STK3: variants seen among roughly 807,000 people sequenced by gnomAD.
STK3 encodes serine/threonine-protein kinase 3.
Under a neutral mutation model 58.0 loss-of-function variants are expected in STK3, and 41 were observed. The observed-to-expected ratio is 0.71, with a 90% confidence interval of 0.55 to 0.92. The LOEUF (loss-of-function observed/expected upper bound fraction) is 0.92. STK3 is among the 40% of genes least tolerant of loss of function. The pLI is 0.00. For synonymous variants in STK3, 170 were observed against 191.0 expected (o/e 0.89, Z 0.91); for missense variants, 479 against 602.7 (o/e 0.79, Z 2.15).
intron 10 of STK3, among the ~76,000 whole-genome samples, chr8:98,492,512 T>C (rs1350218933): frequency 6.6e-6 from 1 of 152,066 alleles, no homozygotes; most frequent in Non-Finnish European, 1.5e-5. Context: ...ATGCTGAAGA[T>C]AGTAATAATT....
rs1812296019 is a variant in STK3 at position 98,564,311 on chromosome 8, T to A, written c.948+15353A>T. Among the ~76,000 whole-genome samples, 4 of 152,270 alleles carry A rather than the reference T, an allele frequency of 2.6e-5. No individual in the cohort carries two copies. In the South Asian group the frequency reaches 8.3e-4, roughly 32 times the overall value. On this transcript the variant is annotated intron_variant, in intron 8 of 10. Coordinates refer to ENST00000419617, the MANE Select transcript of STK3 (RefSeq NM_006281.4). ...GAACCCTTTCTGTGCCTGGCTTATA[T>A]CATTTAACGTCCTCCAGGTAAATAC...
At chr8:98,839,211 G>A (rs755222952) in intron 3 of STK3, among the ~76,000 whole-genome samples, 4 of 151,802 alleles carry the variant, frequency 2.6e-5, no homozygotes, top group Admixed American at 2.0e-4. Flanking sequence ...TAGGCCTGAC[G>A]AATTTTTACA....
chr8:98,708,337 C>A (rs963881584), intron 4 of STK3, among the ~76,000 whole-genome samples: 1 of 151,934 alleles, frequency 6.6e-6, no homozygotes, highest in African/African-American at 2.4e-5. Flanking sequence ...AAAATGAAAC[C>A]AACAGCTTTA....
chr8:98,579,773 T>C lies in STK3; in HGVS notation c.839A>G (p.Asn280Ser). The change falls in exon 8 of 11, where the codon AAT becomes AGT. Residue 280 changes from asparagine (N) to serine (S), a missense_variant. Asn to Ser is a conservative substitution (Grantham distance 46). Around this residue, in one of 3 missense-constraint regions of STK3, gnomAD observed 309 missense variants for 355.7 expected, o/e 0.87. Coordinates refer to ENST00000419617, the MANE Select transcript of STK3 (RefSeq NM_006281.4). ...TCTTAATATTGATACAGGTTTGGCATTCTTGATAAAAGGATGCTAAAAAAG... is the reference window on the plus strand; with the variant it reads ...TCTTAATATTGATACAGGTTTGGCACTCTTGATAAAAGGATGCTAAAAAAG... ...TQLLQHPFIK[N>S]AKPVSILRDL... 1.9e-6 allele frequency: 3 copies of C among 1,574,374 alleles called. No individual in the cohort carries two copies. Among genetic ancestry groups the C allele is most frequent in the East Asian group, 2.3e-5 (1 of 42,842 alleles).
intron 3 of STK3, among the ~76,000 whole-genome samples, chr8:98,408,545 C>A (rs1818022102): frequency 6.6e-6 from 1 of 152,194 alleles, no homozygotes. Context: ...AAACGCACAA[C>A]AATTTATTCT....
chr8:98,357,174 C>T, the STK3 span, among the ~76,000 whole-genome samples: 4 of 152,142 alleles, frequency 2.6e-5, no homozygotes, highest in Admixed American at 6.5e-5. Flanking sequence ...GCCTTATTAG[C>T]TGACTGGATT....
chr8:98,501,252 GT>G lies in STK3; in HGVS notation c.1317+25489del, dbSNP rs553236845. Among the ~76,000 whole-genome samples, 826 of 148,256 alleles carry G rather than the reference GT, an allele frequency of 5.6e-3. 10 individuals carry two copies. Among genetic ancestry groups the G allele is most frequent in the African/African-American group, 0.019 (790 of 40,598 alleles). Reference sequence around the variant, plus strand: ...CATATCCTTTGCCCACTTTTTGATGGTTTTTTTTTTCTTGTCAATTTGTTTA... The same window carrying G: ...CATATCCTTTGCCCACTTTTTGATGGTTTTTTTTTCTTGTCAATTTGTTTA... On this transcript the variant is annotated intron_variant, in intron 10 of 10. Coordinates refer to ENST00000419617, the MANE Select transcript of STK3 (RefSeq NM_006281.4).
Position 98,428,816 on chromosome 8 carries a change from G to T in STK3, n.483+5311C>A, listed in dbSNP as rs768234102. 2 of 1,614,198 alleles carry T rather than the reference G, an allele frequency of 1.2e-6. No individual in the cohort carries two copies. Among genetic ancestry groups the T allele is most frequent in the South Asian group, 2.2e-5 (2 of 91,070 alleles). On this transcript the variant is annotated intron_variant and non_coding_transcript_variant, in intron 3 of 3. Coordinates refer to the STK3 transcript ENST00000517832. This position sits in a 1 kb window ranked among gnomAD's most constrained non-coding sequence, Gnocchi z 6.7. The stretch of plus-strand genomic sequence containing the variant: ...TTTACATCACTCTGGTGGTGAACCT[G>T]GTGGTGGAGAGCACACCTACTTTAG...
intron 3 of STK3, chr8:98,427,719 G>C (rs1818258409): frequency 3.0e-6 from 1 of 338,796 alleles, no homozygotes; most frequent in Admixed American, 4.5e-5. Flanking sequence ...CACGCGCAAA[G>C]CGCCCACCGA....
chr8:98,642,097 G>A (rs1358039783), intron 6 of STK3, among the ~76,000 whole-genome samples: 4 of 152,088 alleles, frequency 2.6e-5, no homozygotes, highest in East Asian at 1.9e-4. Flanking sequence ...TAGGTTAACC[G>A]TGGGCCTCAA....
chr8:98,840,086 C>A (rs1453273050), intron 3 of STK3, among the ~76,000 whole-genome samples: 1 of 152,010 alleles, frequency 6.6e-6, no homozygotes, highest in Non-Finnish European at 1.5e-5. Flanking sequence ...GTGGCTAACA[C>A]CTGTAATCCC....
At chr8:98,723,496 A>G (rs1435107054) in intron 4 of STK3, among the ~76,000 whole-genome samples, 7 of 152,172 alleles carry the variant, frequency 4.6e-5, no homozygotes, top group Admixed American at 4.6e-4. Context: ...GCACATGCAC[A>G]AATGGTTTTA....
At chr8:98,843,531 C>T (rs1164813616) in intron 3 of STK3, among the ~76,000 whole-genome samples, 1 of 152,232 alleles carries the variant, frequency 6.6e-6, no homozygotes, top group Non-Finnish European at 1.5e-5. Flanking sequence ...TTACACAAAA[C>T]TGCCCCAAAG....
At chr8:98,690,022 C>T (rs1824281073) in intron 6 of STK3, among the ~76,000 whole-genome samples, 1 of 152,078 alleles carries the variant, frequency 6.6e-6, no homozygotes, top group Non-Finnish European at 1.5e-5. Context: ...CCACAACAAA[C>T]TTGACATCAA....
At chr8:98,462,136 T>C (rs1468759064) in intron 10 of STK3, among the ~76,000 whole-genome samples, 1 of 152,202 alleles carries the variant, frequency 6.6e-6, no homozygotes, top group Non-Finnish European at 1.5e-5. Context: ...TAAGTTATTA[T>C]TAACTATAGT....
intron 8 of STK3, among the ~76,000 whole-genome samples, chr8:98,566,206 A>C (rs1452586880): frequency 6.6e-6 from 1 of 152,170 alleles, no homozygotes; most frequent in Non-Finnish European, 1.5e-5. Context: ...AAATATTTTA[A>C]AAGATTTGTT....
chr8:98,806,192 A>G (rs185455886), intron 1 of STK3, among the ~76,000 whole-genome samples: 20 of 152,346 alleles, frequency 1.3e-4, no homozygotes, highest in Admixed American at 5.9e-4. Flanking sequence ...TGTTTAAATA[A>G]CATATCTAAT....
At chr8:98,387,397 C>G (rs1817801029) in intron 1 of STK3, among the ~76,000 whole-genome samples, 2 of 152,220 alleles carry the variant, frequency 1.3e-5, no homozygotes, top group Admixed American at 6.5e-5. Flanking sequence ...GAAACCTAAG[C>G]ATGAGTCCAT....
chr8:98,706,242 G>A (rs1437947021), intron 6 of STK3, among the ~76,000 whole-genome samples: 1 of 152,124 alleles, frequency 6.6e-6, no homozygotes, highest in Non-Finnish European at 1.5e-5. Flanking sequence ...TGGGGGAGGA[G>A]AACAGTGATG....
Sources: allele counts gnomAD v4.1 joint callset (sites outside exome capture counted in the v4.1 genomes callset), GRCh38; gene constraint gnomAD v4.1.1; regional missense constraint gnomAD v4.1.1; non-coding constraint Gnocchi (gnomAD v3.1); transcripts MANE v1.5; gene names NCBI Gene and HGNC (gene_info 2026-07-23, HGNC 2026-07-21).